Variants in CWF19L2 observed in about 807,000 individuals in gnomAD.
CWF19L2 encodes the protein CWF19 like cell cycle control factor 2.
Under a neutral mutation model 111.7 loss-of-function variants are expected in CWF19L2, and 98 were observed. The ratio of observed to expected loss-of-function variants is 0.88; its 90% CI spans 0.75 to 1.04. The LOEUF (loss-of-function observed/expected upper bound fraction) is 1.04. Among genes scored for constraint, CWF19L2 ranks in the 50% least tolerant of loss-of-function variants. CWF19L2 has a pLI of 0.00. For synonymous variants in CWF19L2, 351 were observed against 342.9 expected (o/e 1.02, Z -0.26); for missense variants, 1,101 against 1,051.4 (o/e 1.05, Z -0.65).
intron 11 of CWF19L2, among the ~76,000 whole-genome samples, chr11:107,391,374 G>A (rs904011246): frequency 1.3e-5 from 2 of 152,092 alleles, no homozygotes; most frequent in South Asian, 2.1e-4. Context: ...ACCCGTAAGC[G>A]TGCCCTCATC....
chr11:107,403,316 A>G (rs1861032960), intron 10 of CWF19L2: 1 of 478,680 alleles, frequency 2.1e-6, no homozygotes, highest in Admixed American at 3.3e-5. Context: ...ATTTTCATTT[A>G]CCCTAACAGG....
intron 13 of CWF19L2, among the ~76,000 whole-genome samples, chr11:107,351,115 G>A (rs1455116055): frequency 6.6e-6 from 1 of 151,974 alleles, no homozygotes; most frequent in African/African-American, 2.4e-5. Flanking sequence ...TATAGAGAAA[G>A]GGCAAAGGAA....
intron 3 of CWF19L2, among the ~76,000 whole-genome samples, chr11:107,445,401 C>T (rs1223807318): frequency 1.3e-5 from 2 of 152,020 alleles, no homozygotes; most frequent in Admixed American, 6.6e-5. Flanking sequence ...GTCAGGAGTT[C>T]GAGACCAGCC....
chr11:107,449,630 A>G (rs1861750869), intron 3 of CWF19L2, among the ~76,000 whole-genome samples: 2 of 149,794 alleles, frequency 1.3e-5, no homozygotes, highest in East Asian at 1.9e-4. Context: ...TTATAAAAGT[A>G]AAATTATATA....
At chr11:107,371,845 C>CA (rs1364343682) in intron 12 of CWF19L2, among the ~76,000 whole-genome samples, 1 of 136,358 alleles carries the variant, frequency 7.3e-6, no homozygotes, top group Non-Finnish European at 1.6e-5. Flanking sequence ...TGGAGAAAGC[C>CA]AACAAAAAAG....
chr11:107,375,764 C>T (rs1860588812), intron 12 of CWF19L2, among the ~76,000 whole-genome samples: 1 of 110,986 alleles, frequency 9.0e-6, no homozygotes, highest in African/African-American at 3.9e-5. Context: ...CAAGAAATAA[C>T]TAAAATCAGA....
chr11:107,434,465 C>T (rs1228978944), intron 6 of CWF19L2, among the ~76,000 whole-genome samples: 1 of 151,818 alleles, frequency 6.6e-6, no homozygotes, highest in Non-Finnish European at 1.5e-5. Flanking sequence ...ATTTTCCTTG[C>T]CCCAGAACAT....
At chr11:107,346,443 T>C (rs1007222426) in intron 14 of CWF19L2, among the ~76,000 whole-genome samples, 2 of 152,178 alleles carry the variant, frequency 1.3e-5, no homozygotes, top group South Asian at 2.1e-4. Flanking sequence ...CTGACTTAAA[T>C]GCTAGAAAGT....
intron 10 of CWF19L2, chr11:107,404,553 GGGTGGGA>G: frequency 1.5e-6 from 1 of 668,144 alleles, no homozygotes; most frequent in Admixed American, 2.0e-5. Context: ...GCAGGAGCTG[GGGTGGGA>G]GGTGGGGCAT....
chr11:107,433,013 C>T (rs1180485531), intron 7 of CWF19L2, among the ~76,000 whole-genome samples: 2 of 152,032 alleles, frequency 1.3e-5, no homozygotes. Flanking sequence ...ACTATGTGTA[C>T]ATTATTAAGT....
chr11:107,388,306 T>G (rs1048476415), intron 12 of CWF19L2, among the ~76,000 whole-genome samples: 1 of 152,216 alleles, frequency 6.6e-6, no homozygotes, highest in Non-Finnish European at 1.5e-5. Flanking sequence ...CTTAATTGCT[T>G]CTCTGTATCC....
rs512574 is a variant in CWF19L2, at chr11:107,326,593, T to C, written c.*317A>G. The C allele has an allele frequency of 0.82, 168,059 of 204,004 alleles. 69,882 individuals are homozygous for C. Among genetic ancestry groups the C allele is most frequent in the African/African-American group, 0.95 (41,624 of 43,758 alleles). The allele number at this position is 204,004 out of a possible 1,614,324, so 12.6% of individuals were successfully genotyped here. A position where few individuals can be genotyped will look rare whatever the true frequency, so the allele number is the denominator to read the frequency against. ...CTGAACCAAGGATTTCCTATGCTTT[T>C]TAGATATCCCTTCAGAAAAGGCCTT... On this transcript the variant is annotated 3_prime_UTR_variant, in exon 18 of 18. Coordinates refer to ENST00000282251, the MANE Select transcript of CWF19L2 (RefSeq NM_152434.3).
At chr11:107,378,658 C>A (rs954381673) in intron 12 of CWF19L2, among the ~76,000 whole-genome samples, 7 of 152,004 alleles carry the variant, frequency 4.6e-5, no homozygotes, top group Admixed American at 2.0e-4. Context: ...GGGAGATATA[C>A]CTAATGCTAG....
intron 3 of CWF19L2, among the ~76,000 whole-genome samples, chr11:107,451,853 C>G (rs1000459786): frequency 1.3e-5 from 2 of 151,904 alleles, no homozygotes; most frequent in African/African-American, 4.8e-5. Context: ...CTTATAGATG[C>G]AAAAAAAGCA....
chr11:107,370,286 T>C (rs986746776), intron 12 of CWF19L2, among the ~76,000 whole-genome samples: 3 of 137,122 alleles, frequency 2.2e-5, no homozygotes, highest in African/African-American at 8.7e-5. Context: ...TCATGCTAAC[T>C]AACCAAGCCT....
intron 12 of CWF19L2, among the ~76,000 whole-genome samples, chr11:107,372,794 C>A (rs1346587144): frequency 6.8e-5 from 9 of 131,942 alleles, no homozygotes; most frequent in African/African-American, 2.8e-4. Flanking sequence ...AGGAACTGCT[C>A]CGGTCTACAG....
chr11:107,404,607 G>A, intron 10 of CWF19L2: 2 of 571,572 alleles, frequency 3.5e-6, no homozygotes, highest in Non-Finnish European at 6.5e-6. Flanking sequence ...AGCACCTGCA[G>A]CTCTGGCTTC....
At chr11:107,361,835 C>A (rs1050706872) in intron 12 of CWF19L2, among the ~76,000 whole-genome samples, 9 of 152,126 alleles carry the variant, frequency 5.9e-5, no homozygotes, top group Non-Finnish European at 1.0e-4. Context: ...GATGGCCGAA[C>A]AGGAAGAGCT....
At chr11:107,404,684 G>C (rs1409589439) in intron 10 of CWF19L2, 5 of 403,044 alleles carry the variant, frequency 1.2e-5, no homozygotes, top group Non-Finnish European at 2.4e-5. Flanking sequence ...CACCTTTCCA[G>C]ACCAAAGACC....
Sources: gnomAD v4.1 joint callset for allele counts (sites outside exome capture counted in the v4.1 genomes callset) on GRCh38, gnomAD v4.1.1 for gene constraint, MANE v1.5 for transcripts, NCBI Gene and HGNC (gene_info 2026-07-23, HGNC 2026-07-21) for gene names.